TTN: variants seen among roughly 807,000 people sequenced by gnomAD.
TTN encodes titin.
In TTN, 1,525 loss-of-function variants were observed where a neutral mutation model predicts 3,223.0. The ratio of observed to expected loss-of-function variants is 0.47; its 90% confidence interval spans 0.45 to 0.49. The LOEUF is 0.49. TTN is among the 20% of genes least tolerant of loss of function. The pLI, the probability that TTN is intolerant of heterozygous loss-of-function variation, is 0.00. For missense variants in TTN, 40,786 were observed against 43,424.0 expected (o/e 0.94, Z 5.40); for synonymous variants, 14,094 against 15,161.0 (o/e 0.93, Z 5.17).
chr2:178,784,281 ATCT>A lies in TTN; in HGVS notation c.2561_2563del (p.Lys854del), dbSNP rs1487745842. The A allele has an allele frequency of 4.3e-6, 7 of 1,614,094 alleles. No individual in the cohort carries two copies. In the South Asian group the frequency reaches 7.7e-5, roughly 18 times the overall value. On this transcript the variant is annotated inframe_deletion, in exon 16 of 363. Coordinates refer to ENST00000589042, the MANE Select transcript of TTN (RefSeq NM_001267550.2). ...AGTAGGAGCCTTCACCGATTTGGTGATCTTCTGAGCAGAAGATGTGGCTGACAA... is the reference window on the plus strand; with the variant it reads ...AGTAGGAGCCTTCACCGATTTGGTGATCTGAGCAGAAGATGTGGCTGACAA...
intron 242 of TTN, among the ~76,000 whole-genome samples, chr2:178,623,000 A>ATG (rs1491161595): frequency 3.3e-5 from 5 of 151,824 alleles, no homozygotes; most frequent in African/African-American, 4.8e-5. Flanking sequence ...ACTAGTGTGC[A>ATG]TGTGTGTGTG....
In TTN at chr2:178,731,973, T is replaced by C; in HGVS notation, c.16904-2A>G. ...ATTCCTTGGTAAAATAAGGTGACTC[T>C]ACAGTAAAAAAGGAATGATTTGCAT... On this transcript the variant is annotated splice_acceptor_variant, in intron 57 of 362. Transcript: ENST00000589042. LOFTEE classifies it high-confidence loss of function. 1 of 1,601,696 alleles carries C rather than the reference T, an allele frequency of 6.2e-7. No individual in the cohort carries two copies. Among genetic ancestry groups the C allele is most frequent in the Non-Finnish European group, 8.5e-7 (1 of 1,171,834 alleles).
Position 178,529,213 on chromosome 2 carries a change from T to A in TTN, c.106538A>T (p.Lys35513Ile). The change falls in exon 360 of 363, where the codon AAA becomes ATA. Residue 35513 changes from lysine to isoleucine, a missense_variant. Lys to Ile is a moderately radical substitution (Grantham distance 102). Coordinates refer to ENST00000589042, the MANE Select transcript of TTN (RefSeq NM_001267550.2). ...AGAGACTTTCTGTGCCTCAGTATCT[T>A]TTATAGCTAAAAAAGAAACCTCTGT... Reference protein sequence around the residue: ...SSCKLTIKAIKDTEAQKVSTQ... With the variant: ...SSCKLTIKAIIDTEAQKVSTQ... 6.8e-7 allele frequency: 1 copy of A among 1,468,572 alleles called. No homozygotes were observed. The highest frequency in any genetic ancestry group is 9.0e-7 in the Non-Finnish European group (1 of 1,113,060). 91.0% of individuals were successfully genotyped at this position (1,468,572 alleles called of 1,614,324 possible). A position where few individuals can be genotyped will look rare whatever the true frequency, so the allele number is the denominator to read the frequency against.
Position 178,593,193 on chromosome 2 carries a change from A to T in TTN, c.59015T>A (p.Val19672Asp). ...TATACCAATTGGATCTTTAGCAAAG[A>T]CTGGTTTGGATGGTGGGCTTGGATC... ...IGDPSPPSKP[V>D]FAKDPIAKPS... Residue 19672 changes from valine (V) to aspartate (D), a missense_variant, in exon 299 of 363, where the codon GTC becomes GAC. Coordinates refer to ENST00000589042, the MANE Select transcript of TTN (RefSeq NM_001267550.2). 1 of 1,613,344 alleles carries T rather than the reference A, an allele frequency of 6.2e-7. No homozygotes were observed. The highest frequency in any genetic ancestry group is 1.1e-5 in the South Asian group (1 of 91,028).
chr2:178,785,799 G>C, intron 14 of TTN, 49 bp downstream of exon 14: 1 of 1,614,126 alleles, frequency 6.2e-7, no homozygotes, highest in Non-Finnish European at 8.5e-7. Context: ...ACAGCAGTGA[G>C]GCTTGCTTTA....
rs779755661 is a variant in TTN, at chr2:178,593,574, G to A, written c.58726C>T (p.Arg19576Cys). The part of the protein sequence containing the change: ...LVSDSMKAKD[R>C]FRVPDAPDQP... ...AAAGAAACATAATGCATACTGAAACGATCTTTGGCTTTCATTGAATCAGAC... is the reference window on the plus strand; with the variant it reads ...AAAGAAACATAATGCATACTGAAACAATCTTTGGCTTTCATTGAATCAGAC... The change falls in exon 298 of 363, where the codon CGT becomes TGT. Residue 19576 changes from arginine (R) to cysteine (C), a missense_variant. Transcript: ENST00000589042. 5 of 1,611,388 alleles carry A rather than the reference G, an allele frequency of 3.1e-6. No homozygotes were observed. Among genetic ancestry groups the A allele is most frequent in the African/African-American group, 1.3e-5 (1 of 74,838 alleles).
Position 178,802,273 on chromosome 2 carries a change from C to A in TTN, c.160G>T (p.Val54Leu). 3.7e-6 allele frequency: 6 copies of A among 1,614,110 alleles called. No individual in the cohort carries two copies. The highest frequency in any genetic ancestry group is 5.1e-6 in the Non-Finnish European group (6 of 1,180,008). ...CGGCCATCGCTAAAGGAGATCTGCACGCCGGGCAGAGTGGAAGTGGAAATC... is the reference window on the plus strand; with the variant it reads ...CGGCCATCGCTAAAGGAGATCTGCAAGCCGGGCAGAGTGGAAGTGGAAATC... Reference protein sequence around the residue: ...QVISTSTLPGVQISFSDGRAK... With the variant: ...QVISTSTLPGLQISFSDGRAK... The change falls in exon 3 of 363, where the codon GTG (valine) becomes TTG (leucine). Residue 54 changes from valine (V) to leucine (L), a missense_variant. Coordinates refer to ENST00000589042, the MANE Select transcript of TTN (RefSeq NM_001267550.2).
rs1267218460 is a variant in TTN, at chr2:178,735,876, A to C, written c.14570T>G (p.Leu4857Arg). ...ATAAACTCCTCTATCTTGAATGGTA[A>C]GGTTTGAGAGTTCTAAAATGTGTTT... Reference protein sequence around the residue: ...ENKHILELSNLTIQDRGVYSC... With the variant: ...ENKHILELSNRTIQDRGVYSC... The change falls in exon 50 of 363, where the codon CTT (leucine) becomes CGT (arginine). Residue 4857 changes from leucine to arginine, a missense_variant. By Grantham distance (102) the Leu-to-Arg change is moderately radical. Transcript: ENST00000589042. 2 of 1,613,898 alleles carry C rather than the reference A, an allele frequency of 1.2e-6. No individual in the cohort carries two copies. Among genetic ancestry groups the C allele is most frequent in the Middle Eastern group, 1.7e-4 (1 of 6,058 alleles).
chr2:178,641,236 C>A lies in TTN; in HGVS notation c.40633+5G>T. ...AATCTTACAAATTGTCACTGAGATT[C>A]CTACCTGCAGGTTTTTTAACTTTTT... On this transcript the variant is annotated splice_donor_5th_base_variant and intron_variant, in intron 220 of 362. Transcript: ENST00000589042. 5 of 1,499,944 alleles carry A rather than the reference C, an allele frequency of 3.3e-6. No homozygotes were observed. The highest frequency in any genetic ancestry group is 3.6e-6 in the Non-Finnish European group (4 of 1,118,692). 92.9% of individuals were successfully genotyped at this position (1,499,944 alleles called of 1,614,324 possible). A position where few individuals can be genotyped will look rare whatever the true frequency, so the allele number is the denominator to read the frequency against.
Position 178,538,688 on chromosome 2 carries a change from C to G in TTN, c.99141G>C (p.Lys33047Asn). Reference protein sequence around the residue: ...YRQSGDSAWKKSNKERIKDKQ... With the variant: ...YRQSGDSAWKNSNKERIKDKQ... ...TGTCCTTAATACGTTCCTTATTGCT[C>G]TTCTTCCAGGCACTGTCTCCAGACT... Residue 33047 changes from lysine to asparagine, a missense_variant, in exon 354 of 363, where the codon AAG (lysine) becomes AAC (asparagine). By Grantham distance (94) the Lys-to-Asn change is moderately conservative. Coordinates refer to ENST00000589042, the MANE Select transcript of TTN (RefSeq NM_001267550.2). 6.2e-7 allele frequency: 1 copy of G among 1,613,794 alleles called. No individual in the cohort carries two copies. The highest frequency in any genetic ancestry group is 8.5e-7 in the Non-Finnish European group (1 of 1,179,750).
intron 266 of TTN, 28 bp downstream of exon 266, chr2:178,612,249 G>T: frequency 6.2e-7 from 1 of 1,607,486 alleles, no homozygotes; most frequent in Non-Finnish European, 8.5e-7. Flanking sequence ...AGCACTTATT[G>T]TCACAAAGAT....
Position 178,777,790 on chromosome 2 carries a change from G to T in TTN, c.4394C>A (p.Ser1465Tyr), listed in dbSNP as rs2092386112. Residue 1465 changes from serine (S) to tyrosine (Y), a missense_variant, in exon 25 of 363, where the codon TCT (serine) becomes TAT (tyrosine). By Grantham distance (144) the Ser-to-Tyr change is moderately radical (BLOSUM62 -2). Coordinates refer to ENST00000589042, the MANE Select transcript of TTN (RefSeq NM_001267550.2). ...YKPVFVLKPV[S>Y]FKCLEGQTAR... ...AGTTTGCCCTTCTAAACATTTGAAA[G>T]AAACAGGTTTTAACACAAAGACTGG... 6.2e-7 allele frequency: 1 copy of T among 1,613,904 alleles called. No homozygotes were observed. The highest frequency in any genetic ancestry group is 1.7e-5 in the Admixed American group (1 of 59,990).
At chr2:178,727,037 C>T in intron 69 of TTN, 53 bp downstream of exon 69, 2 of 1,392,050 alleles carry the variant, frequency 1.4e-6, no homozygotes. Context: ...CTATAATACC[C>T]AGGGGAGAAG....
Position 178,714,151 on chromosome 2 carries a change from G to A in TTN, c.26507C>T (p.Pro8836Leu). The A allele has an allele frequency of 5.6e-6, 9 of 1,611,696 alleles. No individual in the cohort carries two copies. The highest frequency in any genetic ancestry group is 7.6e-6 in the Non-Finnish European group (9 of 1,178,958). ...VLEPATIVEK[P>L]ESIKVTTGDT... ...TCCCGTGGTAACTTTTATGGATTCT[G>A]GCTTTTCTACAATTGTTGCAGGCTC... is the stretch of plus-strand genomic sequence containing the variant. Residue 8836 changes from proline to leucine, a missense_variant, in exon 92 of 363, where the codon CCA becomes CTA. Physicochemically the swap from Pro to Leu is moderately conservative, Grantham distance 98 (BLOSUM62 -3). Transcript: ENST00000589042.
chr2:178,720,815 T>C, intron 79 of TTN, 106 bp downstream of exon 79: 3 of 1,419,856 alleles, frequency 2.1e-6, no homozygotes, highest in Non-Finnish European at 2.8e-6. Flanking sequence ...TGTTGAAGAA[T>C]TGCAACCAAA....
intron 224 of TTN, among the ~76,000 whole-genome samples, chr2:178,637,145 G>GGA (rs1553749158): frequency 2.1e-4 from 4 of 19,194 alleles, no homozygotes; most frequent in Non-Finnish European, 4.9e-4. Flanking sequence ...AAATATAGTT[G>GGA]GATATATATA....
At position 178,614,325 on chromosome 2, in the gene TTN, A is replaced by G. The variant is rs2056894015; in HGVS notation, c.49072T>C (p.Phe16358Leu). 6.2e-7 allele frequency: 1 copy of G among 1,612,590 alleles called. No individual in the cohort carries two copies. The highest frequency in any genetic ancestry group is 1.3e-5 in the African/African-American group (1 of 74,850). The change falls in exon 262 of 363, where the codon TTT becomes CTT. Residue 16358 changes from phenylalanine (F) to leucine (L), a missense_variant. Phe to Leu is a conservative substitution (Grantham distance 22). Transcript: ENST00000589042. ...TCATTGGTTACATCTGTGATGTCAA[A>G]GGCAGCTGGTGGTCCGGGTTTATCT... ...VLDKPGPPAA[F>L]DITDVTNESC...
chr2:178,588,701 T>G lies in TTN; in HGVS notation c.63024A>C (p.Thr21008=), dbSNP rs1310394351. 3 of 1,613,124 alleles carry G rather than the reference T, an allele frequency of 1.9e-6. No individual in the cohort carries two copies. In the African/African-American group the frequency reaches 4.0e-5, roughly 22 times the overall value. The stretch of plus-strand genomic sequence containing the variant: ...CACTCTTGTTGACAGGGACCCATCG[T>G]GTTGAATGCTTTTCCTTTTTCTCCA... The part of the protein sequence containing the change: ...YFLEKKEKHS[T]RWVPVNKSAI... The change falls in exon 304 of 363, where the codon ACA becomes ACC. Residue 21008 remains threonine (T), a synonymous_variant. Coordinates refer to ENST00000589042, the MANE Select transcript of TTN (RefSeq NM_001267550.2).
chr2:178,769,047 T>C (rs1490921101), intron 37 of TTN, 114 bp from the exon 38 acceptor site: 28 of 1,211,582 alleles, frequency 2.3e-5, no homozygotes, highest in Middle Eastern at 5.1e-4. Context: ...TTGAGGAGAT[T>C]ACAGTTTAGA....
Sources: gnomAD v4.1 joint callset for allele counts (sites outside exome capture counted in the v4.1 genomes callset) on GRCh38, gnomAD v4.1.1 for gene constraint, MANE v1.5 for transcripts, NCBI Gene and HGNC (gene_info 2026-07-23, HGNC 2026-07-21) for gene names.